The following CLVS1 variants were observed in gnomAD, a reference collection of about 807,000 sequenced individuals.
The protein encoded by CLVS1 is clavesin 1.
A neutral mutation model predicts 33.1 loss-of-function variants in CLVS1; 10 were observed. That is an observed-to-expected ratio of 0.30 (90% CI 0.19 to 0.51). The LOEUF (loss-of-function observed/expected upper bound fraction) is 0.51. Ranked by LOEUF, CLVS1 falls within the 20% of genes least tolerant of loss-of-function variation. The probability of loss-of-function intolerance (pLI) is 0.97; values close to 1 mark genes in which losing one functional copy is unlikely to be tolerated. For synonymous variants in CLVS1, 163 were observed against 166.1 expected, an observed-to-expected ratio of 0.98 and a Z score of 0.14; for missense variants, 343 against 433.4, an observed-to-expected ratio of 0.79 and a Z score of 1.85.
chr8:61,435,426 G>A lies in CLVS1; in HGVS notation c.631-18715G>A, dbSNP rs150249723. 3.6e-3 allele frequency among the ~76,000 whole-genome samples: 549 copies of A among 152,200 alleles called. 7 individuals carry two copies. The highest frequency in any genetic ancestry group is 0.012 in the African/African-American group (480 of 41,504). On this transcript the variant is annotated intron_variant, in intron 3 of 5. Transcript: ENST00000325897. ...TTTAAAAAATCTCCTTAGGGCCATA[G>A]TCAGTATGATTTCTTGAATATTTTC...
intron 2 of CLVS1, among the ~76,000 whole-genome samples, chr8:61,170,380 C>T (rs573051266): frequency 6.6e-6 from 1 of 152,262 alleles, no homozygotes; most frequent in Admixed American, 6.5e-5. Flanking sequence ...CTCTGTCTCT[C>T]TGCCTCTAAT....
intron 1 of CLVS1, among the ~76,000 whole-genome samples, chr8:61,096,810 A>T (rs907053248): frequency 1.3e-5 from 2 of 152,128 alleles, no homozygotes; most frequent in African/African-American, 4.8e-5. Context: ...GCCCTTTAGC[A>T]TGCTTCCTTT....
chr8:61,329,291 G>T (rs2129597054), intron 2 of CLVS1, among the ~76,000 whole-genome samples: 1 of 151,404 alleles, frequency 6.6e-6, no homozygotes, highest in East Asian at 1.9e-4. Flanking sequence ...GCATTTACTT[G>T]CATATTTTGA....
At chr8:61,481,095 A>T (rs2640229) in intron 5 of CLVS1, among the ~76,000 whole-genome samples, 4,395 of 152,254 alleles carry the variant, frequency 0.029, 73 homozygotes, top group African/African-American at 0.056. Flanking sequence ...ACATAAGGGG[A>T]CATAGGTGTT....
intron 1 of CLVS1, among the ~76,000 whole-genome samples, chr8:61,075,193 C>A (rs1052060800): frequency 2.0e-5 from 3 of 152,108 alleles, no homozygotes; most frequent in African/African-American, 4.8e-5. Context: ...CGGTGGGATG[C>A]TAGACGGTGG....
At chr8:60,978,826 A>AC in the CLVS1 span, among the ~76,000 whole-genome samples, 2 of 150,862 alleles carry the variant, frequency 1.3e-5, no homozygotes, top group Non-Finnish European at 3.0e-5. Context: ...AAAAAAAAAA[A>AC]AAAAAAAGAA....
At chr8:61,488,487 A>G (rs1803956861) in intron 5 of CLVS1, among the ~76,000 whole-genome samples, 2 of 152,206 alleles carry the variant, frequency 1.3e-5, no homozygotes, top group South Asian at 4.1e-4. Flanking sequence ...AGTCTTTTGT[A>G]TTTTCCTTGA....
intron 2 of CLVS1, among the ~76,000 whole-genome samples, chr8:61,206,051 G>T (rs143270281): frequency 1.3e-5 from 2 of 152,158 alleles, no homozygotes; most frequent in African/African-American, 2.4e-5. Context: ...TCTGTCAAGC[G>T]TATAAGTAGC....
At chr8:61,146,169 GA>G (rs200445779) in intron 2 of CLVS1, among the ~76,000 whole-genome samples, 13 of 151,324 alleles carry the variant, frequency 8.6e-5, no homozygotes, top group African/African-American at 2.9e-4. Context: ...GGCTTCACAG[GA>G]AAAAAAAATT....
chr8:61,104,969 C>T (rs757588054), intron 1 of CLVS1, among the ~76,000 whole-genome samples: 8 of 152,126 alleles, frequency 5.3e-5, no homozygotes, highest in Non-Finnish European at 1.2e-4. Flanking sequence ...GCTGAGATTA[C>T]AGGCACCCAC....
chr8:61,497,889 C>T (rs1804323704), intron 5 of CLVS1, among the ~76,000 whole-genome samples: 1 of 152,078 alleles, frequency 6.6e-6, no homozygotes, highest in East Asian at 1.9e-4. Context: ...CCTGATGTTG[C>T]TATGGCATCT....
At chr8:61,298,018 A>T (rs1810281734) in intron 1 of CLVS1, among the ~76,000 whole-genome samples, 1 of 152,192 alleles carries the variant, frequency 6.6e-6, no homozygotes, top group African/African-American at 2.4e-5. Flanking sequence ...TATCGTTATT[A>T]TTAACACCTT....
At chr8:61,445,030 C>T (rs1003189945) in intron 3 of CLVS1, among the ~76,000 whole-genome samples, 4 of 152,040 alleles carry the variant, frequency 2.6e-5, no homozygotes, top group African/African-American at 9.7e-5. Flanking sequence ...CCTCCCTGGT[C>T]CAGAAGACCT....
the CLVS1 span, among the ~76,000 whole-genome samples, chr8:61,033,015 AAG>A: frequency 1.2e-4 from 14 of 116,574 alleles, no homozygotes; most frequent in African/African-American, 4.5e-4. Context: ...GAAAGAAAGA[AAG>A]AAAGAAAGAA....
At chr8:61,156,292 A>C (rs55901932) in intron 2 of CLVS1, among the ~76,000 whole-genome samples, 26,372 of 148,280 alleles carry the variant, frequency 0.18, 2,461 homozygotes, top group Admixed American at 0.26. Context: ...ACCTCCCCCG[A>C]GAAGCTCTAT....
At chr8:61,289,758 A>G (rs1809915521) in intron 1 of CLVS1, among the ~76,000 whole-genome samples, 1 of 152,230 alleles carries the variant, frequency 6.6e-6, no homozygotes, top group African/African-American at 2.4e-5. Flanking sequence ...GACAGTCACA[A>G]ATATGTATCT....
At chr8:61,433,122 T>A (rs1295001304) in intron 3 of CLVS1, among the ~76,000 whole-genome samples, 1 of 152,152 alleles carries the variant, frequency 6.6e-6, no homozygotes, top group Admixed American at 6.5e-5. Flanking sequence ...CCTGGCTAAC[T>A]TTTGTATTTT....
chr8:60,978,469 G>T, the CLVS1 span, among the ~76,000 whole-genome samples: 1 of 152,158 alleles, frequency 6.6e-6, no homozygotes, highest in African/African-American at 2.4e-5. Flanking sequence ...GTTGAAACTA[G>T]GTTGTAATAA....
At chr8:61,257,592 T>C (rs531365997) in intron 2 of CLVS1, among the ~76,000 whole-genome samples, 38 of 152,318 alleles carry the variant, frequency 2.5e-4, no homozygotes, top group African/African-American at 8.9e-4. Context: ...CAGTAAGATC[T>C]GTAACCACGT....
Sources: gnomAD v4.1 joint callset for allele counts (sites outside exome capture counted in the v4.1 genomes callset) on GRCh38, gnomAD v4.1.1 for gene constraint, MANE v1.5 for transcripts, NCBI Gene and HGNC (gene_info 2026-07-23, HGNC 2026-07-21) for gene names.